INPP5B: variants seen among roughly 807,000 people sequenced by gnomAD.
INPP5B encodes type II inositol 1,4,5-trisphosphate 5-phosphatase.
INPP5B carries 90 observed loss-of-function variants against 118.5 expected under a neutral mutation model. The observed-to-expected ratio is 0.76, with a 90% confidence interval of 0.64 to 0.90. The LOEUF is 0.90. INPP5B is among the 40% of genes least tolerant of loss of function. INPP5B has a pLI of 0.00. For synonymous variants in INPP5B, 385 were observed against 418.9 expected (o/e 0.92, Z 0.99); for missense variants, 984 against 1,125.6 (o/e 0.87, Z 1.80).
chr1:37,919,147 G>A lies in INPP5B; in HGVS notation c.532+12766C>T, dbSNP rs150580738. Among the ~76,000 whole-genome samples the A allele has an allele frequency of 9.3e-3, 1,418 of 152,262 alleles. 26 individuals are homozygous for A. Among genetic ancestry groups the A allele is most frequent in the African/African-American group, 0.033 (1,355 of 41,546 alleles). On this transcript the variant is annotated intron_variant, in intron 7 of 23. Transcript: ENST00000373024. Reference sequence around the variant, plus strand: ...ACTATAAACTCCCAAGGGTAAGTACGATGTGAATAGAAGGTTTAAATCTGT... The same window carrying A: ...ACTATAAACTCCCAAGGGTAAGTACAATGTGAATAGAAGGTTTAAATCTGT...
intron 8 of INPP5B, among the ~76,000 whole-genome samples, chr1:37,890,955 G>T (rs536076916): frequency 1.3e-5 from 2 of 152,122 alleles, no homozygotes; most frequent in African/African-American, 2.4e-5. Flanking sequence ...AGCCAGGCAC[G>T]GTGGCTCATG....
chr1:37,863,304 C>A (rs538717320), intron 23 of INPP5B, among the ~76,000 whole-genome samples: 106 of 151,760 alleles, frequency 7.0e-4, no homozygotes, highest in African/African-American at 2.3e-3. Context: ...ATCACGAGGT[C>A]AAGAGATTGA....
rs771902555 is a variant in INPP5B, at chr1:37,907,174, G to A, written c.533-15720C>T. Among the ~76,000 whole-genome samples the A allele has an allele frequency of 2.6e-4, 39 of 152,310 alleles. No homozygotes were observed. The highest frequency in any genetic ancestry group is 5.2e-4 in the Admixed American group (8 of 15,298). ...ATAATTTCACTTATTTTGCTTTACC[G>A]TTGTGGAATACATTGCTGTTGTACT... On this transcript the variant is annotated intron_variant, in intron 7 of 23. Coordinates refer to ENST00000373024, the MANE Select transcript of INPP5B (RefSeq NM_005540.3). The surrounding 1 kb of genome is among the most constrained non-coding windows in gnomAD (Gnocchi z 4.3).
intron 6 of INPP5B, among the ~76,000 whole-genome samples, chr1:37,937,165 G>T (rs1357528798): frequency 1.3e-5 from 2 of 151,662 alleles, no homozygotes; most frequent in Non-Finnish European, 2.9e-5. Context: ...ACAAAAATTA[G>T]CCAGGCATGG....
intron 7 of INPP5B, among the ~76,000 whole-genome samples, chr1:37,917,387 G>C (rs770065960): frequency 5.0e-5 from 7 of 139,184 alleles, no homozygotes; most frequent in African/African-American, 1.6e-4. Context: ...GCAGTAGCGC[G>C]ATCTCGGCTC....
At chr1:37,941,721 G>A (rs1488420356) in intron 5 of INPP5B, among the ~76,000 whole-genome samples, 14 of 146,432 alleles carry the variant, frequency 9.6e-5, no homozygotes, top group Middle Eastern at 3.5e-3. Context: ...GGCGGATCAC[G>A]AGGTCAGGAG....
chr1:37,895,701 G>A (rs1019821174), intron 7 of INPP5B, among the ~76,000 whole-genome samples: 4 of 152,152 alleles, frequency 2.6e-5, no homozygotes, highest in Admixed American at 2.6e-4. Context: ...TTTTGGTGGA[G>A]ACGGGGATTC....
chr1:37,944,377 T>C (rs1646042023), intron 3 of INPP5B, among the ~76,000 whole-genome samples: 5 of 152,184 alleles, frequency 3.3e-5, no homozygotes, highest in Admixed American at 2.6e-4. Context: ...TGGGTGTTAC[T>C]AGACAACATT....
chr1:37,890,954 C>T (rs1160204302), intron 8 of INPP5B, among the ~76,000 whole-genome samples: 6 of 151,970 alleles, frequency 3.9e-5, no homozygotes, highest in Non-Finnish European at 8.8e-5. Context: ...CAGCCAGGCA[C>T]GGTGGCTCAT....
chr1:37,904,411 A>G (rs1174598275), intron 7 of INPP5B, among the ~76,000 whole-genome samples: 1 of 152,226 alleles, frequency 6.6e-6, no homozygotes. Flanking sequence ...TTTAAGTTAA[A>G]TAGAATAAAA....
chr1:37,891,644 C>T (rs1481578448), intron 7 of INPP5B, among the ~76,000 whole-genome samples, 190 bp from the exon 8 acceptor site: 2 of 151,938 alleles, frequency 1.3e-5, no homozygotes, highest in Non-Finnish European at 2.9e-5. Flanking sequence ...CATGGTGGTG[C>T]ATGCCTGTAA....
At chr1:37,873,266 A>G in intron 18 of INPP5B, 101 bp from the exon 19 acceptor site, 1 of 790,284 alleles carries the variant, frequency 1.3e-6, no homozygotes, top group South Asian at 1.6e-5. Context: ...GGTTAGGAAA[A>G]GGAAAGAAAA....
intron 8 of INPP5B, among the ~76,000 whole-genome samples, chr1:37,891,033 C>G (rs1009778426): frequency 2.6e-5 from 4 of 151,920 alleles, no homozygotes; most frequent in Admixed American, 1.3e-4. Flanking sequence ...TCGAGACCAG[C>G]CTGACCAACA....
In INPP5B at chr1:37,899,416, G is replaced by A. The variant is rs369504242; in HGVS notation, c.533-7962C>T. Among the ~76,000 whole-genome samples the A allele has an allele frequency of 7.5e-4, 114 of 151,688 alleles. 2 individuals carry two copies. In the East Asian group the frequency reaches 9.6e-3, roughly 13 times the overall value. On this transcript the variant is annotated intron_variant, in intron 7 of 23. Coordinates refer to ENST00000373024, the MANE Select transcript of INPP5B (RefSeq NM_005540.3). ...CCGTCTCTACTTAAAATACAAAATA[G>A]CCAGCCGTGGTAGCACATGCCTGTA...
At chr1:37,920,751 C>G (rs765031356) in intron 7 of INPP5B, among the ~76,000 whole-genome samples, 2 of 151,804 alleles carry the variant, frequency 1.3e-5, no homozygotes, top group Non-Finnish European at 2.9e-5. Context: ...CGCCAATGAC[C>G]AGATGAGTGA....
intron 7 of INPP5B, among the ~76,000 whole-genome samples, chr1:37,894,507 A>G (rs1557660117): frequency 6.6e-6 from 1 of 152,100 alleles, no homozygotes; most frequent in Non-Finnish European, 1.5e-5. Flanking sequence ...CACACAATTC[A>G]ATATTAAATG....
chr1:37,861,983 C>T lies in INPP5B; in HGVS notation c.*332G>A, dbSNP rs1641725226. On this transcript the variant is annotated 3_prime_UTR_variant, in exon 24 of 24. Transcript: ENST00000373024. ...CCCAGGAGGCAGAGGTTGCAGTGAGCCGAGATCGTGCCACCGCACTCCACC... is the reference window on the plus strand; with the variant it reads ...CCCAGGAGGCAGAGGTTGCAGTGAGTCGAGATCGTGCCACCGCACTCCACC... The T allele has an allele frequency of 5.2e-6, 1 of 192,014 alleles. No individual in the cohort carries two copies. Among genetic ancestry groups the T allele is most frequent in the Non-Finnish European group, 1.1e-5 (1 of 92,458 alleles). 11.9% of individuals were successfully genotyped at this position (192,014 alleles called of 1,614,324 possible). A position where few individuals can be genotyped will look rare whatever the true frequency, so the allele number is the denominator to read the frequency against.
rs538296352 is a variant in INPP5B, at chr1:37,914,414, C to T, written c.532+17499G>A. 2.6e-4 allele frequency among the ~76,000 whole-genome samples: 40 copies of T among 152,196 alleles called. No homozygotes were observed. The South Asian group carries it at 7.9e-3, about 30-fold the overall frequency. The stretch of plus-strand genomic sequence containing the variant: ...CCGGTAACAATTTTTGGAACAAAAC[C>T]CAAACCTCTGAGGATTGCATGAAAA... On this transcript the variant is annotated intron_variant, in intron 7 of 23. Transcript: ENST00000373024.
At chr1:37,916,878 G>C (rs1355059115) in intron 7 of INPP5B, among the ~76,000 whole-genome samples, 4 of 151,728 alleles carry the variant, frequency 2.6e-5, no homozygotes, top group Non-Finnish European at 5.9e-5. Flanking sequence ...TTTCCTCCTC[G>C]AGGCCCCTTA....
Sources: gnomAD v4.1 joint callset for allele counts (sites outside exome capture counted in the v4.1 genomes callset) on GRCh38, gnomAD v4.1.1 for gene constraint, Gnocchi (gnomAD v3.1) non-coding constraint, MANE v1.5 for transcripts, NCBI Gene and HGNC (gene_info 2026-07-23, HGNC 2026-07-21) for gene names.